KCTD16: variants seen among roughly 807,000 people sequenced by gnomAD.
KCTD16 encodes the protein BTB/POZ domain-containing protein KCTD16.
A neutral mutation model predicts 33.2 loss-of-function variants in KCTD16; 13 were observed. The observed-to-expected ratio is 0.39, with a 90% CI of 0.25 to 0.62. The LOEUF (loss-of-function observed/expected upper bound fraction) is 0.62. Among genes scored for constraint, KCTD16 ranks in the 20% least tolerant of loss-of-function variants. The probability of loss-of-function intolerance (pLI) is 0.50; values close to 1 mark genes in which losing one functional copy is unlikely to be tolerated. For missense variants in KCTD16, 441 were observed against 525.1 expected, an observed-to-expected ratio of 0.84 and a Z score of 1.57; for synonymous variants, 197 against 195.3, an observed-to-expected ratio of 1.01 and a Z score of -0.07.
chr5:144,362,319 A>C (rs1050365107), intron 3 of KCTD16, among the ~76,000 whole-genome samples: 3 of 152,172 alleles, frequency 2.0e-5, no homozygotes, highest in African/African-American at 7.2e-5. Context: ...GCAGATATGG[A>C]GAGGAAGATA....
chr5:144,356,382 C>T (rs907477294), intron 3 of KCTD16, among the ~76,000 whole-genome samples: 18 of 151,976 alleles, frequency 1.2e-4, no homozygotes, highest in African/African-American at 4.1e-4. Context: ...CTTTAATCTC[C>T]TTTGTATATT....
chr5:144,218,638 A>T (rs780138247), intron 3 of KCTD16, among the ~76,000 whole-genome samples: 22 of 152,304 alleles, frequency 1.4e-4, no homozygotes, highest in Admixed American at 5.2e-4. Flanking sequence ...AACCAAGATA[A>T]CCAGTAATTG....
intron 3 of KCTD16, among the ~76,000 whole-genome samples, chr5:144,441,191 A>G (rs1311733998): frequency 6.6e-6 from 1 of 151,906 alleles, no homozygotes; most frequent in East Asian, 1.9e-4. Flanking sequence ...ATGTGTGAAT[A>G]TTTCCTCCAA....
intron 3 of KCTD16, among the ~76,000 whole-genome samples, chr5:144,391,527 A>G (rs1471281263): frequency 6.6e-6 from 1 of 152,222 alleles, no homozygotes; most frequent in East Asian, 1.9e-4. Flanking sequence ...ATCAAGAGAC[A>G]GGATGGTTTG....
chr5:144,464,317 TA>T (rs1001155432), intron 3 of KCTD16, among the ~76,000 whole-genome samples: 18 of 152,372 alleles, frequency 1.2e-4, no homozygotes, highest in African/African-American at 4.1e-4. Context: ...AGTAAAATTT[TA>T]TGAAATTCAG....
At chr5:144,336,611 C>T (rs1180544727) in intron 3 of KCTD16, among the ~76,000 whole-genome samples, 1 of 152,120 alleles carries the variant, frequency 6.6e-6, no homozygotes, top group East Asian at 1.9e-4. Context: ...TCTGTGTTTC[C>T]CACGTTTTTA....
intron 3 of KCTD16, among the ~76,000 whole-genome samples, chr5:144,296,193 A>G (rs1483600776): frequency 2.0e-5 from 3 of 151,496 alleles, no homozygotes; most frequent in Admixed American, 6.6e-5. Flanking sequence ...AGTGCACTCA[A>G]GTAGAAAGAG....
At chr5:144,208,762 A>G (rs1561529777) in intron 3 of KCTD16, among the ~76,000 whole-genome samples, 1 of 152,252 alleles carries the variant, frequency 6.6e-6, no homozygotes, top group Non-Finnish European at 1.5e-5. Flanking sequence ...AAGCTATCAC[A>G]CATTTGGTTA....
At chr5:144,218,525 T>TG (rs1242353073) in intron 3 of KCTD16, among the ~76,000 whole-genome samples, 1 of 152,192 alleles carries the variant, frequency 6.6e-6, no homozygotes, top group Non-Finnish European at 1.5e-5. Flanking sequence ...TATTAATAGT[T>TG]ATGCCAAGAA....
Position 144,264,060 on chromosome 5 carries a change from C to T in KCTD16, c.832+56514C>T, listed in dbSNP as rs541756172. ...ACCATCACACTGGGGGTTAAAGCTT[C>T]AGCATATGAATTTCAAAAAACATTT... On this transcript the variant is annotated intron_variant, in intron 3 of 3. Transcript: ENST00000512467. 1.5e-4 allele frequency among the ~76,000 whole-genome samples: 23 copies of T among 152,352 alleles called. No individual in the cohort carries two copies. In the East Asian group the frequency reaches 2.7e-3, roughly 18 times the overall value.
rs550443920 is a variant in KCTD16 at position 144,480,434 on chromosome 5, T to G, written c.*6320T>G. 1 of 152,040 alleles carries G rather than the reference T, an allele frequency of 6.6e-6. No individual in the cohort carries two copies. Among genetic ancestry groups the G allele is most frequent in the Non-Finnish European group, 1.5e-5 (1 of 67,934 alleles). The allele number at this position is 152,040 out of a possible 1,614,324, so 9.4% of individuals were successfully genotyped here. A position where few individuals can be genotyped will look rare whatever the true frequency, so the allele number is the denominator to read the frequency against. On this transcript the variant is annotated 3_prime_UTR_variant, in exon 4 of 4. Transcript: ENST00000512467. ...TATATAGTGAAGAGTAGCATCTTAT[T>G]CAAAAAAAGAATGTATTTTTGAAAG...
chr5:144,339,597 A>G lies in KCTD16; in HGVS notation c.832+132051A>G, dbSNP rs1752577140. Among the ~76,000 whole-genome samples the G allele has an allele frequency of 2.0e-5, 3 of 152,202 alleles. No homozygotes were observed. In the South Asian group the frequency reaches 6.2e-4, roughly 32 times the overall value. On this transcript the variant is annotated intron_variant, in intron 3 of 3. Transcript: ENST00000512467. ...ATGCCTGACATGTTACTAGAAATGT[A>G]CTCAATAAATACATGATCTTGTTAG... is the stretch of plus-strand genomic sequence containing the variant.
chr5:144,440,122 A>G (rs1426153310), intron 3 of KCTD16, among the ~76,000 whole-genome samples: 2 of 152,174 alleles, frequency 1.3e-5, no homozygotes, highest in African/African-American at 4.8e-5. Context: ...TCTGTGCACC[A>G]CATTTCAAAC....
intron 2 of KCTD16, among the ~76,000 whole-genome samples, chr5:144,189,220 G>T (rs1408294984): frequency 6.6e-6 from 1 of 152,106 alleles, no homozygotes; most frequent in Non-Finnish European, 1.5e-5. Flanking sequence ...AGAAAATGCA[G>T]AGCAGGTCAC....
intron 3 of KCTD16, among the ~76,000 whole-genome samples, chr5:144,253,262 A>G (rs1397765800): frequency 6.6e-6 from 1 of 152,146 alleles, no homozygotes; most frequent in Non-Finnish European, 1.5e-5. Context: ...TTACAGATAG[A>G]TATCCCATGT....
chr5:144,244,707 A>G (rs770927633), intron 3 of KCTD16, among the ~76,000 whole-genome samples: 1 of 152,196 alleles, frequency 6.6e-6, no homozygotes, highest in Non-Finnish European at 1.5e-5. Flanking sequence ...CCTTCAAAGT[A>G]GACCCAATTC....
chr5:144,363,263 A>C (rs1751757101), intron 3 of KCTD16, among the ~76,000 whole-genome samples: 1 of 152,042 alleles, frequency 6.6e-6, no homozygotes, highest in South Asian at 2.1e-4. Context: ...AATCATTTGA[A>C]CCTGGGATGT....
chr5:144,285,449 C>A (rs934357297), intron 3 of KCTD16, among the ~76,000 whole-genome samples: 1 of 152,146 alleles, frequency 6.6e-6, no homozygotes, highest in Non-Finnish European at 1.5e-5. Flanking sequence ...TTTTCTCTGC[C>A]AGTTCCTTCT....
At chr5:144,340,914 G>A (rs984091838) in intron 3 of KCTD16, among the ~76,000 whole-genome samples, 5 of 152,092 alleles carry the variant, frequency 3.3e-5, no homozygotes, top group Non-Finnish European at 7.4e-5. Flanking sequence ...GCCAGGCACG[G>A]TGGTGGGCGC....
Sources: allele counts gnomAD v4.1 joint callset (sites outside exome capture counted in the v4.1 genomes callset), GRCh38; gene constraint gnomAD v4.1.1; transcripts MANE v1.5; gene names NCBI Gene and HGNC (gene_info 2026-07-23, HGNC 2026-07-21).